Variants in PHACTR1 observed in about 807,000 individuals in gnomAD.
PHACTR1 encodes the protein phosphatase and actin regulator 1.
A neutral mutation model predicts 69.2 loss-of-function variants in PHACTR1; 16 were observed. That is an observed-to-expected ratio of 0.23 (90% CI 0.16 to 0.35). PHACTR1 has a LOEUF of 0.35. Among genes scored for constraint, PHACTR1 ranks in the 10% least tolerant of loss-of-function variants. PHACTR1 has a pLI of 1.00. For synonymous variants in PHACTR1, 312 were observed against 284.5 expected (o/e 1.10, Z -0.97); for missense variants, 510 against 734.7 (o/e 0.69, Z 3.54).
At chr6:13,260,599 T>G (rs138839769) in intron 10 of PHACTR1, among the ~76,000 whole-genome samples, 1 of 152,256 alleles carries the variant, frequency 6.6e-6, no homozygotes, top group East Asian at 1.9e-4. Context: ...ATGAAAAAGC[T>G]GAGGCTTAGA....
intron 4 of PHACTR1, among the ~76,000 whole-genome samples, chr6:12,789,948 C>T (rs1772046614): frequency 7.2e-6 from 1 of 139,422 alleles, no homozygotes; most frequent in South Asian, 2.4e-4. Context: ...CTTTCACTGC[C>T]TATATCTGGA....
chr6:13,081,819 C>T (rs1811428306), intron 5 of PHACTR1, among the ~76,000 whole-genome samples: 1 of 152,084 alleles, frequency 6.6e-6, no homozygotes, highest in African/African-American at 2.4e-5. Context: ...GGAGTAAGAC[C>T]CTGTCTCTAA....
chr6:13,238,007 T>C (rs384366), intron 10 of PHACTR1, among the ~76,000 whole-genome samples: 46,132 of 152,194 alleles, frequency 0.3, 7,578 homozygotes, highest in South Asian at 0.47. Flanking sequence ...GTGGATTGAT[T>C]GTTAATCAGT....
chr6:12,926,090 G>A (rs1383451123), intron 4 of PHACTR1, among the ~76,000 whole-genome samples: 1 of 151,382 alleles, frequency 6.6e-6, no homozygotes, highest in African/African-American at 2.4e-5. Context: ...AGCTTCTTTG[G>A]TTATGTCCCC....
chr6:12,755,742 C>T (rs547397710), intron 4 of PHACTR1, among the ~76,000 whole-genome samples: 3 of 152,136 alleles, frequency 2.0e-5, no homozygotes, highest in South Asian at 4.1e-4. Context: ...AATACTAATT[C>T]GGCTCCTAAT....
intron 4 of PHACTR1, among the ~76,000 whole-genome samples, chr6:12,816,621 A>G (rs962763797): frequency 6.6e-6 from 1 of 152,212 alleles, no homozygotes; most frequent in African/African-American, 2.4e-5. Context: ...GGTATCATAC[A>G]GTTTTTCAGA....
chr6:12,844,818 T>C (rs1779041904), intron 4 of PHACTR1, among the ~76,000 whole-genome samples: 1 of 152,112 alleles, frequency 6.6e-6, no homozygotes, highest in Non-Finnish European at 1.5e-5. Context: ...GGAAAGTGGC[T>C]TGGGGAGGAA....
chr6:13,090,559 T>C (rs1233100291), intron 5 of PHACTR1, among the ~76,000 whole-genome samples: 2 of 150,778 alleles, frequency 1.3e-5, no homozygotes, highest in Non-Finnish European at 3.0e-5. Flanking sequence ...TCCTGACCTC[T>C]TGATCCACCT....
intron 5 of PHACTR1, among the ~76,000 whole-genome samples, chr6:13,119,676 T>C (rs1818408113): frequency 6.6e-6 from 1 of 152,190 alleles, no homozygotes; most frequent in African/African-American, 2.4e-5. Context: ...CAGCAGGTCA[T>C]CCCTGAAGGG....
intron 2 of PHACTR1, chr6:12,718,299 G>A (rs1176731883): frequency 3.3e-5 from 5 of 152,198 alleles, no homozygotes; most frequent in South Asian, 2.1e-4. Context: ...AGGGGAATCC[G>A]AAAGTCCCAG....
intron 4 of PHACTR1, among the ~76,000 whole-genome samples, chr6:12,940,654 T>C (rs971732747): frequency 2.6e-5 from 4 of 152,202 alleles, no homozygotes; most frequent in African/African-American, 9.6e-5. Context: ...CCTACATACA[T>C]CTCATCCTGG....
chr6:12,859,576 A>G (rs1780736852), intron 4 of PHACTR1, among the ~76,000 whole-genome samples: 1 of 152,198 alleles, frequency 6.6e-6, no homozygotes, highest in Non-Finnish European at 1.5e-5. Flanking sequence ...GGCAATGAGA[A>G]AAGGTAGCAG....
At chr6:13,013,835 G>GGGAGCGCGCGGGGGCCGGA (rs1799761880) in intron 4 of PHACTR1, among the ~76,000 whole-genome samples, 1 of 148,866 alleles carries the variant, frequency 6.7e-6, no homozygotes, top group African/African-American at 2.4e-5. Flanking sequence ...GGGCGCGAGT[G>GGGAGCGCGCGGGGGCCGGA]GCAGCGCGCG....
intron 4 of PHACTR1, among the ~76,000 whole-genome samples, chr6:12,973,014 C>T (rs142953803): frequency 2.6e-5 from 4 of 152,258 alleles, no homozygotes; most frequent in African/African-American, 9.6e-5. Flanking sequence ...GGGCCTCTTG[C>T]ATTCCTTTTA....
At chr6:12,726,126 TA>T (rs1332959084) in intron 3 of PHACTR1, among the ~76,000 whole-genome samples, 2 of 152,160 alleles carry the variant, frequency 1.3e-5, no homozygotes, top group Admixed American at 1.3e-4. Flanking sequence ...GTATCTCATA[TA>T]AGAAGAAATT....
At chr6:12,937,545 A>T (rs1315083615) in intron 4 of PHACTR1, among the ~76,000 whole-genome samples, 1 of 152,088 alleles carries the variant, frequency 6.6e-6, no homozygotes, top group Non-Finnish European at 1.5e-5. Flanking sequence ...CAGGGGAGGG[A>T]TATAGAGAGT....
At chr6:13,184,730 T>C in intron 7 of PHACTR1, 1 of 1,236,704 alleles carries the variant, frequency 8.1e-7, no homozygotes, top group Non-Finnish European at 1.1e-6. Context: ...CTGTCCTGTG[T>C]TCCCCGCTGG....
chr6:13,283,280 C>A lies in PHACTR1; in HGVS notation c.1510-142C>A. 1.0e-6 allele frequency: 1 copy of A among 967,054 alleles called. No homozygotes were observed. The allele number at this position is 967,054 out of a possible 1,614,324, so 59.9% of individuals were successfully genotyped here. Reference sequence around the variant, plus strand: ...GGGTCCCCCCACCCTGGCCCTCCCCCTGCCCCTGCCCCTCACTCACTATGC... The same window carrying A: ...GGGTCCCCCCACCCTGGCCCTCCCCATGCCCCTGCCCCTCACTCACTATGC... On this transcript the variant is annotated intron_variant, in intron 12 of 14. Transcript: ENST00000332995. This position sits in a 1 kb window ranked among gnomAD's most constrained non-coding sequence, Gnocchi z 4.7.
At chr6:13,068,403 AG>A (rs1808995266) in intron 5 of PHACTR1, among the ~76,000 whole-genome samples, 3 of 152,342 alleles carry the variant, frequency 2.0e-5, no homozygotes, top group Admixed American at 6.5e-5. Context: ...CTCTTAGAAT[AG>A]TACTTTGCGC....
Sources: gnomAD v4.1 joint callset for allele counts (sites outside exome capture counted in the v4.1 genomes callset) on GRCh38, gnomAD v4.1.1 for gene constraint, Gnocchi (gnomAD v3.1) non-coding constraint, MANE v1.5 for transcripts, NCBI Gene and HGNC (gene_info 2026-07-23, HGNC 2026-07-21) for gene names.